The following IFNGR1 variants were observed in gnomAD, a reference collection of about 807,000 sequenced individuals.
IFNGR1 encodes AVP, type 2.
In IFNGR1, 23 loss-of-function variants were observed where a neutral mutation model predicts 35.4. That is an observed-to-expected ratio of 0.65 (90% CI 0.47 to 0.92). The LOEUF (loss-of-function observed/expected upper bound fraction) is 0.92, where lower values mean the gene tolerates loss of function less well. Ranked by LOEUF, IFNGR1 falls within the 40% of genes least tolerant of loss-of-function variation. The pLI is 0.00. For synonymous variants in IFNGR1, 199 were observed against 209.5 expected, an observed-to-expected ratio of 0.95 and a Z score of 0.43; for missense variants, 533 against 583.4, an observed-to-expected ratio of 0.91 and a Z score of 0.89.
intron 1 of IFNGR1, among the ~76,000 whole-genome samples, chr6:137,212,382 C>T (rs936782032): frequency 4.6e-5 from 7 of 152,262 alleles, no homozygotes; most frequent in East Asian, 1.9e-4. Flanking sequence ...CTCAGCCTCC[C>T]GAGTAGCTGA....
At chr6:137,202,041 C>T (rs751937737) in intron 5 of IFNGR1, among the ~76,000 whole-genome samples, 2 of 151,906 alleles carry the variant, frequency 1.3e-5, no homozygotes, top group Non-Finnish European at 2.9e-5. Flanking sequence ...TGACAATGTC[C>T]GGCATCCTTT....
At chr6:137,214,557 A>G (rs1216503252) in intron 1 of IFNGR1, among the ~76,000 whole-genome samples, 2 of 152,112 alleles carry the variant, frequency 1.3e-5, no homozygotes, top group Non-Finnish European at 2.9e-5. Context: ...AACCTCCCCT[A>G]TATTTTTCCC....
rs1422744046 is a variant in IFNGR1, at chr6:137,204,342, T to C, written c.536A>G (p.Asn179Ser). Residue 179 changes from asparagine (N) to serine (S), a missense_variant, in exon 4 of 7, where the codon AAC becomes AGC. Physicochemically the swap from Asn to Ser is conservative, Grantham distance 46. Transcript: ENST00000367739. ...IRVYNVYVRM[N>S]GSEIQYKILT... ...ATGTGAAACACATACCTCACTTCCG[T>C]TCATTCTCACATACACATTGTACAC... 1 of 1,613,658 alleles carries C rather than the reference T, an allele frequency of 6.2e-7. No individual in the cohort carries two copies. The highest frequency in any genetic ancestry group is 8.5e-7 in the Non-Finnish European group (1 of 1,179,586).
rs559225103 is a variant in IFNGR1, at chr6:137,200,254, C to G, written c.861+627G>C. 2.0e-5 allele frequency among the ~76,000 whole-genome samples: 3 copies of G among 152,250 alleles called. No homozygotes were observed. The East Asian group carries it at 5.8e-4, about 29-fold the overall frequency. ...TGAGCATCACAGATATTATTCCTGT[C>G]ATATTTGACTCAAATAGATACTATT... On this transcript the variant is annotated intron_variant, in intron 6 of 6. Coordinates refer to ENST00000367739, the MANE Select transcript of IFNGR1 (RefSeq NM_000416.3).
At chr6:137,214,517 T>C (rs531323096) in intron 1 of IFNGR1, among the ~76,000 whole-genome samples, 41 of 152,316 alleles carry the variant, frequency 2.7e-4, no homozygotes, top group Admixed American at 2.4e-3. Flanking sequence ...GCATAACACA[T>C]AGTGGCCTGC....
intron 6 of IFNGR1, among the ~76,000 whole-genome samples, chr6:137,199,482 TTATAA>T (rs1226256003): frequency 2.0e-5 from 1 of 48,880 alleles, no homozygotes; most frequent in African/African-American, 7.6e-5. Flanking sequence ...AATATATAAT[TTATAA>T]TATATTATAT....
chr6:137,203,211 T>C (rs998023775), intron 5 of IFNGR1, among the ~76,000 whole-genome samples: 5 of 152,206 alleles, frequency 3.3e-5, no homozygotes, highest in African/African-American at 9.7e-5. Flanking sequence ...TTATAATTCA[T>C]AATCCTGAAA....
At position 137,206,692 on chromosome 6, in the gene IFNGR1, C is replaced by T. The variant is rs554365273; in HGVS notation, c.200+271G>A. 11 of 471,692 alleles carry T rather than the reference C, an allele frequency of 2.3e-5. No individual in the cohort carries two copies. In the South Asian group the frequency reaches 3.0e-4, roughly 13 times the overall value. The allele number at this position is 471,692 out of a possible 1,614,324, so 29.2% of individuals were successfully genotyped here. A position where few individuals can be genotyped will look rare whatever the true frequency, so the allele number is the denominator to read the frequency against. ...ATATTGTTCTACTAAAAATACACTACAGGAAGATGACATAGTAACTATTAG... is the reference window on the plus strand; with the variant it reads ...ATATTGTTCTACTAAAAATACACTATAGGAAGATGACATAGTAACTATTAG... On this transcript the variant is annotated intron_variant, in intron 2 of 6. Coordinates refer to ENST00000367739, the MANE Select transcript of IFNGR1 (RefSeq NM_000416.3).
chr6:137,213,905 AC>A (rs927832980), intron 1 of IFNGR1, among the ~76,000 whole-genome samples: 2 of 152,188 alleles, frequency 1.3e-5, no homozygotes, highest in Non-Finnish European at 2.9e-5. Flanking sequence ...ATCTTAACAC[AC>A]TAGTGTAAAA....
intron 6 of IFNGR1, among the ~76,000 whole-genome samples, chr6:137,199,452 A>ATAATT (rs1779192745): frequency 1.0e-5 from 1 of 99,510 alleles, no homozygotes; most frequent in East Asian, 3.2e-4. Context: ...TATATAAAAT[A>ATAATT]TATAACTTAT....
chr6:137,201,108 T>C, intron 5 of IFNGR1, 100 bp from the exon 6 acceptor site: 2 of 1,253,080 alleles, frequency 1.6e-6, no homozygotes, highest in Non-Finnish European at 1.2e-6. Flanking sequence ...TACAAATTAG[T>C]GAATAGGGCC....
At chr6:137,206,086 G>C in intron 3 of IFNGR1, 50 bp downstream of exon 3, 1 of 1,409,328 alleles carries the variant, frequency 7.1e-7, no homozygotes, top group Non-Finnish European at 1.0e-6. Flanking sequence ...CAGAAGACAT[G>C]TATAAATATT....
chr6:137,219,017 T>C (rs1306202920), intron 1 of IFNGR1: 10 of 595,810 alleles, frequency 1.7e-5, no homozygotes, highest in Non-Finnish European at 2.7e-5. Context: ...TGATTTGTTG[T>C]GGCGGCAACC....
intron 5 of IFNGR1, among the ~76,000 whole-genome samples, chr6:137,201,546 G>A (rs1329939322): frequency 6.6e-6 from 1 of 152,034 alleles, no homozygotes; most frequent in Admixed American, 6.6e-5. Flanking sequence ...GGTGGCATGC[G>A]CCTGTAGTCC....
Position 137,219,198 on chromosome 6 carries a change from C to T in IFNGR1, c.85+45G>A, listed in dbSNP as rs11754268. On this transcript the variant is annotated intron_variant, in intron 1 of 6. Transcript: ENST00000367739. ...CCCGGCTGGGGCGGATCCCTCCCTC[C>T]CTCTCGTCCCGACCCGGCCGCAGCC... 364,284 of 1,567,602 alleles carry T rather than the reference C, an allele frequency of 0.23. 48,503 individuals are homozygous for T. Among genetic ancestry groups the T allele is most frequent in the South Asian group, 0.51 (43,997 of 85,614 alleles).
intron 4 of IFNGR1, 163 bp from the exon 5 acceptor site, chr6:137,203,848 A>G: frequency 1.5e-6 from 1 of 656,538 alleles, no homozygotes; most frequent in Non-Finnish European, 2.7e-6. Context: ...TTGTTACTTC[A>G]ACACAGCACG....
At position 137,203,617 on chromosome 6, in the gene IFNGR1, T is replaced by G. The variant is rs142741472; in HGVS notation, c.615A>C (p.Pro205=). The G allele has an allele frequency of 4.3e-6, 7 of 1,611,510 alleles. No homozygotes were observed. The highest frequency in any genetic ancestry group is 5.9e-6 in the Non-Finnish European group (7 of 1,177,816). The change falls in exon 5 of 7, where the codon CCA becomes CCC. Residue 205 remains proline, a synonymous_variant. Transcript: ENST00000367739. ...AGTACTGAGAATTCAGTGAGGATAC[T>G]GGAATCGCTAACTGGCACTGAATCT... ...CDEIQCQLAI[P]VSSLNSQYCV... is the part of the protein sequence containing the mutation.
chr6:137,215,145 T>G, intron 1 of IFNGR1: 3 of 1,225,224 alleles, frequency 2.4e-6, no homozygotes, highest in Non-Finnish European at 3.4e-6. Flanking sequence ...ATTTTACCAA[T>G]GAGAAAACAA....
At chr6:137,216,092 C>T (rs1035726177) in intron 1 of IFNGR1, among the ~76,000 whole-genome samples, 1 of 152,150 alleles carries the variant, frequency 6.6e-6, no homozygotes, top group Non-Finnish European at 1.5e-5. Flanking sequence ...AAATTTAATA[C>T]CCTATTCAAT....
Sources: allele counts gnomAD v4.1 joint callset (sites outside exome capture counted in the v4.1 genomes callset), GRCh38; gene constraint gnomAD v4.1.1; transcripts MANE v1.5; gene names NCBI Gene and HGNC (gene_info 2026-07-23, HGNC 2026-07-21).